Variants in ATRX observed in about 807,000 individuals in gnomAD.
ATRX encodes chromatin remodeler ATRX.
In ATRX, 12 loss-of-function variants were observed where a neutral mutation model predicts 172.6. The observed-to-expected ratio is 0.07, with a 90% CI of 0.04 to 0.11. The LOEUF is 0.11. Ranked by LOEUF, ATRX falls within the 10% of genes least tolerant of loss-of-function variation. ATRX has a pLI of 1.00. For missense variants in ATRX, 1,368 were observed against 1,767.4 expected (o/e 0.77, Z 4.05); for synonymous variants, 674 against 594.7 (o/e 1.13, Z -1.94).
rs139948612 is a variant in ATRX, at chrX:77,506,897, CTTTTTTT to C, written c.*1447_*1453del. 1.6e-3 allele frequency: 96 copies of C among 60,035 alleles called. No individual in the cohort carries two copies. The highest frequency in any genetic ancestry group is 6.4e-3 in the South Asian group (5 of 780). 4.9% of individuals were successfully genotyped at this position (60,035 alleles called of 1,213,427 possible). The stretch of plus-strand genomic sequence containing the variant: ...TAAAGCAAAGCCCAAACCCAGTTTT[CTTTTTTT>C]TTTTTTTTTTTTTTTTTTTGGAATT... On this transcript the variant is annotated 3_prime_UTR_variant, in exon 35 of 35. Coordinates refer to ENST00000373344, the MANE Select transcript of ATRX (RefSeq NM_000489.6).
At chrX:77,730,331 C>T (rs1326224193) in intron 1 of ATRX, among the ~76,000 whole-genome samples, 3 of 112,079 alleles carry the variant, frequency 2.7e-5, no homozygotes, top group Non-Finnish European at 5.6e-5. Context: ...GGAGCACTCA[C>T]ATATATAAAG....
chrX:77,760,586 T>C (rs1307971217), intron 1 of ATRX, among the ~76,000 whole-genome samples: 1 of 109,427 alleles, frequency 9.1e-6, no homozygotes, highest in Admixed American at 9.9e-5. Flanking sequence ...CTGCACAATG[T>C]GCACATGTAC....
intron 30 of ATRX, among the ~76,000 whole-genome samples, chrX:77,540,125 A>G (rs1458621616): frequency 1.8e-5 from 2 of 111,674 alleles, no homozygotes; most frequent in Non-Finnish European, 3.8e-5. Context: ...AGGAATATTT[A>G]CCAAGCAAAT....
chrX:77,746,170 C>G (rs1179501665), intron 1 of ATRX, among the ~76,000 whole-genome samples: 2 of 110,195 alleles, frequency 1.8e-5, no homozygotes, highest in African/African-American at 6.6e-5. Flanking sequence ...GGTGGGAGAT[C>G]ATGAGAAATT....
intron 30 of ATRX, among the ~76,000 whole-genome samples, chrX:77,545,005 A>T (rs1557052678): frequency 8.9e-6 from 1 of 111,974 alleles, no homozygotes; most frequent in East Asian, 2.8e-4. Flanking sequence ...TATGCAGCCA[A>T]AAAACACATG....
At chrX:77,720,175 A>G (rs2073672361) in intron 1 of ATRX, among the ~76,000 whole-genome samples, 1 of 112,256 alleles carries the variant, frequency 8.9e-6, no homozygotes, top group Non-Finnish European at 1.9e-5. Flanking sequence ...GACAAATTTA[A>G]AGCAGTGTGT....
chrX:77,563,312 A>AACTGGTT (rs1434701036), intron 28 of ATRX, among the ~76,000 whole-genome samples: 1 of 112,444 alleles, frequency 8.9e-6, no homozygotes, highest in Non-Finnish European at 1.9e-5. Context: ...TGAAAGTCTA[A>AACTGGTT]TTGTTTCAAT....
chrX:77,522,158 A>C, intron 32 of ATRX, 105 bp downstream of exon 32: 7 of 1,054,768 alleles, frequency 6.6e-6, no homozygotes, highest in Non-Finnish European at 9.3e-6. Flanking sequence ...ATTCAGGGGT[A>C]ATCTTTTGGA....
chrX:77,687,499 G>A (rs1222436950), intron 7 of ATRX, among the ~76,000 whole-genome samples: 1 of 112,059 alleles, frequency 8.9e-6, no homozygotes, highest in Non-Finnish European at 1.9e-5. Context: ...CAGTGGGACT[G>A]CAGAAAGGGA....
At chrX:77,622,507 C>A (rs2148283602) in intron 19 of ATRX, among the ~76,000 whole-genome samples, 1 of 111,356 alleles carries the variant, frequency 9.0e-6, no homozygotes, top group African/African-American at 3.3e-5. Context: ...CCCATTCCTG[C>A]CTGGCAACAC....
At chrX:77,580,570 C>T (rs1203975497) in intron 27 of ATRX, among the ~76,000 whole-genome samples, 1 of 111,522 alleles carries the variant, frequency 9.0e-6, no homozygotes, top group African/African-American at 3.3e-5. Context: ...GAAAAAATAA[C>T]CTCTAAACAT....
intron 15 of ATRX, among the ~76,000 whole-genome samples, chrX:77,637,032 A>G (rs782794294): frequency 9.3e-6 from 1 of 107,913 alleles, no homozygotes; most frequent in East Asian, 3.0e-4. Context: ...AGAAGAAGGA[A>G]GGAGGAGGAA....
At chrX:77,535,099 C>A (rs918928373) in intron 30 of ATRX, among the ~76,000 whole-genome samples, 2 of 111,993 alleles carry the variant, frequency 1.8e-5, no homozygotes, top group Non-Finnish European at 3.8e-5. Flanking sequence ...GGTCAAAAAG[C>A]CTCTACTTTC....
rs782097254 is a variant in ATRX at position 77,634,657 on chromosome X, T to C, written c.4746A>G (p.Thr1582=). Residue 1582 remains threonine (T), a synonymous_variant, in exon 17 of 35, where the codon ACA becomes ACG. Transcript: ENST00000373344. Reference sequence around the variant, plus strand: ...TGCATCCTGAACCTGGAGATTTCTTTGTTTTTTTCACAGACTCACAGCAGC... The same window carrying C: ...TGCATCCTGAACCTGGAGATTTCTTCGTTTTTTTCACAGACTCACAGCAGC... The part of the protein sequence containing the change: ...WDCCCESVKK[T]KKSPGSGCIL... 28 of 1,211,736 alleles carry C rather than the reference T, an allele frequency of 2.3e-5. No individual in the cohort carries two copies. In the South Asian group the frequency reaches 4.6e-4, roughly 20 times the overall value.
intron 22 of ATRX, among the ~76,000 whole-genome samples, chrX:77,602,575 A>C (rs1367074645): frequency 5.5e-5 from 6 of 110,036 alleles, no homozygotes; most frequent in African/African-American, 2.0e-4. Context: ...GTATTACTTA[A>C]GTTATATCCC....
chrX:77,583,671 A>G (rs1197584234), intron 27 of ATRX, among the ~76,000 whole-genome samples: 4 of 112,220 alleles, frequency 3.6e-5, no homozygotes, highest in Non-Finnish European at 7.5e-5. Flanking sequence ...CATCTATGAC[A>G]GACCCATAGC....
intron 26 of ATRX, among the ~76,000 whole-genome samples, chrX:77,591,105 G>T (rs1360547404): frequency 8.9e-6 from 1 of 111,753 alleles, no homozygotes; most frequent in Non-Finnish European, 1.9e-5. Flanking sequence ...AAAACTATTT[G>T]GTCACATCAA....
At chrX:77,663,891 C>T (rs1350553410) in intron 11 of ATRX, among the ~76,000 whole-genome samples, 6 of 111,214 alleles carry the variant, frequency 5.4e-5, no homozygotes, top group Non-Finnish European at 1.1e-4. Context: ...CACCTGAGTT[C>T]GGGAGTTCAA....
chrX:77,747,267 T>C lies in ATRX; in HGVS notation c.21-30024A>G, dbSNP rs1274925753. Among the ~76,000 whole-genome samples the C allele has an allele frequency of 2.7e-5, 3 of 111,017 alleles. No individual in the cohort carries two copies. In the Admixed American group the frequency reaches 2.9e-4, roughly 11 times the overall value. ...AGCCAGACGCAGTAGATCATACTTG[T>C]AATCCCAGCACTTTGAGAGGCCAAG... On this transcript the variant is annotated intron_variant, in intron 1 of 34. Coordinates refer to ENST00000373344, the MANE Select transcript of ATRX (RefSeq NM_000489.6).
Sources: allele counts gnomAD v4.1 joint callset (sites outside exome capture counted in the v4.1 genomes callset), GRCh38; gene constraint gnomAD v4.1.1; transcripts MANE v1.5; gene names NCBI Gene and HGNC (gene_info 2026-07-23, HGNC 2026-07-21).